The following RBPJ variants were observed in gnomAD, a reference collection of about 807,000 sequenced individuals.
RBPJ encodes recombination signal binding protein for immunoglobulin kappa J region.
RBPJ carries 9 observed loss-of-function variants against 67.8 expected under a neutral mutation model. The observed-to-expected ratio is 0.13, with a 90% CI of 0.08 to 0.23. RBPJ has a LOEUF of 0.23. RBPJ is among the 10% of genes least tolerant of loss of function. The probability of loss-of-function intolerance (pLI) is 1.00; values close to 1 mark genes in which losing one functional copy is unlikely to be tolerated. For missense variants in RBPJ, 305 were observed against 595.6 expected, an observed-to-expected ratio of 0.51 and a Z score of 5.08; for synonymous variants, 198 against 203.3, an observed-to-expected ratio of 0.97 and a Z score of 0.22.
intron 1 of RBPJ, among the ~76,000 whole-genome samples, chr4:26,193,793 T>C (rs537232496): frequency 6.6e-6 from 1 of 152,212 alleles, no homozygotes; most frequent in Admixed American, 6.5e-5. Flanking sequence ...CATAGCCCCC[T>C]CTTATGCTCA....
chr4:26,109,417 TCTCTCTCC>T, the RBPJ span, among the ~76,000 whole-genome samples: 582 of 18,680 alleles, frequency 0.031, 164 homozygotes, highest in Non-Finnish European at 0.041. Context: ...CCTTCCTCTC[TCTCTCTCC>T]CTCTCTCTCT....
chr4:26,137,888 C>T, the RBPJ span, among the ~76,000 whole-genome samples: 1 of 152,184 alleles, frequency 6.6e-6, no homozygotes, highest in South Asian at 2.1e-4. Context: ...AGGGACGGGC[C>T]CCAGTTAGCT....
At chr4:26,139,174 C>T in the RBPJ span, among the ~76,000 whole-genome samples, 1 of 152,240 alleles carries the variant, frequency 6.6e-6, no homozygotes, top group Non-Finnish European at 1.5e-5. Flanking sequence ...CCAACACATT[C>T]CAGCCACTGC....
chr4:26,112,455 A>C, the RBPJ span: 1 of 152,686 alleles, frequency 6.5e-6, no homozygotes, highest in African/African-American at 2.4e-5. Flanking sequence ...GAGGGATGTC[A>C]TTAATCATCA....
At chr4:26,360,595 CTT>C (rs11393982) in intron 1 of RBPJ, among the ~76,000 whole-genome samples, 4 of 133,726 alleles carry the variant, frequency 3.0e-5, no homozygotes, top group Non-Finnish European at 4.7e-5. Flanking sequence ...TTCATAGGTG[CTT>C]TTTTTTTTTT....
intron 1 of RBPJ, among the ~76,000 whole-genome samples, chr4:26,364,936 G>C (rs1332101398): frequency 6.6e-6 from 1 of 151,838 alleles, no homozygotes; most frequent in South Asian, 2.1e-4. Context: ...TTATAACTTT[G>C]TGGTTAAGAG....
At chr4:26,349,154 A>AC (rs1379578296) in intron 1 of RBPJ, among the ~76,000 whole-genome samples, 2 of 151,754 alleles carry the variant, frequency 1.3e-5, no homozygotes, top group East Asian at 3.9e-4. Flanking sequence ...TGCAGCCTTG[A>AC]CCCCGGGGGC....
At chr4:26,366,848 G>A (rs542058899) in intron 1 of RBPJ, among the ~76,000 whole-genome samples, 222 of 152,190 alleles carry the variant, frequency 1.5e-3, no homozygotes, top group Non-Finnish European at 2.2e-3. Context: ...CAAATAGGCC[G>A]GGCGTCGTGT....
intron 1 of RBPJ, among the ~76,000 whole-genome samples, chr4:26,192,520 G>A (rs1243898367): frequency 1.3e-5 from 2 of 152,140 alleles, no homozygotes; most frequent in Non-Finnish European, 2.9e-5. Flanking sequence ...AAAATGGCCA[G>A]TATCTAATGA....
the RBPJ span, among the ~76,000 whole-genome samples, chr4:26,121,287 CT>C: frequency 6.6e-6 from 1 of 152,102 alleles, no homozygotes; most frequent in African/African-American, 2.4e-5. Context: ...AAAATTATCT[CT>C]ATTCAAGTGC....
At chr4:26,361,229 A>G (rs1214540299) in intron 1 of RBPJ, among the ~76,000 whole-genome samples, 1 of 152,134 alleles carries the variant, frequency 6.6e-6, no homozygotes, top group Non-Finnish European at 1.5e-5. Flanking sequence ...GTTCTTCATT[A>G]GTTTCTTCCC....
rs543191387 is a variant in RBPJ at position 26,338,114 on chromosome 4, C to T, written c.20+17066C>T. ...TTTGTTGTTTTTTTTTCATCTTCCTCACCCTAACATTATGGAAACATTCTT... is the reference window on the plus strand; with the variant it reads ...TTTGTTGTTTTTTTTTCATCTTCCTTACCCTAACATTATGGAAACATTCTT... On this transcript the variant is annotated intron_variant, in intron 1 of 10. Transcript: ENST00000355476. 8.4e-5 allele frequency among the ~76,000 whole-genome samples: 12 copies of T among 143,012 alleles called. No homozygotes were observed. The South Asian group carries it at 2.7e-3, about 32-fold the overall frequency. The allele number at this position is 143,012 out of a possible 152,430, so 93.8% of individuals were successfully genotyped here.
chr4:26,375,636 G>GA (rs1729640497), intron 1 of RBPJ, among the ~76,000 whole-genome samples: 1 of 152,196 alleles, frequency 6.6e-6, no homozygotes, highest in East Asian at 1.9e-4. Context: ...AAATAAGAGA[G>GA]AAAATGCAAG....
At chr4:26,123,311 A>C in the RBPJ span, among the ~76,000 whole-genome samples, 1 of 152,198 alleles carries the variant, frequency 6.6e-6, no homozygotes, top group African/African-American at 2.4e-5. Flanking sequence ...CAGCAAAAAT[A>C]TGGTATAAAA....
At chr4:26,244,962 G>T (rs1719877884) in intron 1 of RBPJ, among the ~76,000 whole-genome samples, 1 of 151,428 alleles carries the variant, frequency 6.6e-6, no homozygotes, top group African/African-American at 2.4e-5. Flanking sequence ...TATTTTAAAT[G>T]CCGATTGTTA....
chr4:26,252,467 G>C (rs1308492338), intron 1 of RBPJ, among the ~76,000 whole-genome samples: 2 of 149,462 alleles, frequency 1.3e-5, no homozygotes, highest in Non-Finnish European at 2.9e-5. Context: ...CGCACCTGTG[G>C]TCACAGCTCT....
chr4:26,245,203 ATTTTTT>A (rs869234645), intron 1 of RBPJ, among the ~76,000 whole-genome samples: 9 of 98,402 alleles, frequency 9.1e-5, no homozygotes, highest in African/African-American at 3.6e-4. Context: ...TCACTATTGT[ATTTTTT>A]TTTTTTTTTT....
intron 1 of RBPJ, among the ~76,000 whole-genome samples, chr4:26,228,836 G>C (rs551402436): frequency 6.6e-6 from 1 of 152,176 alleles, no homozygotes; most frequent in Non-Finnish European, 1.5e-5. Context: ...ACAGAACTTG[G>C]ACCTGCAGAG....
At chr4:26,271,655 A>C (rs1230446424) in intron 1 of RBPJ, among the ~76,000 whole-genome samples, 1 of 152,070 alleles carries the variant, frequency 6.6e-6, no homozygotes, top group East Asian at 1.9e-4. Context: ...TGCATATGCT[A>C]TGTCCCAGGT....
Sources: allele counts gnomAD v4.1 joint callset (sites outside exome capture counted in the v4.1 genomes callset), GRCh38; gene constraint gnomAD v4.1.1; transcripts MANE v1.5; gene names NCBI Gene and HGNC (gene_info 2026-07-23, HGNC 2026-07-21).